The following CFAP54 variants were observed in gnomAD, a reference collection of about 807,000 sequenced individuals.
The protein encoded by CFAP54 is cilia- and flagella-associated protein 54.
A neutral mutation model predicts 370.4 loss-of-function variants in CFAP54; 290 were observed. The observed-to-expected ratio is 0.78, with a 90% CI of 0.71 to 0.86. The LOEUF (loss-of-function observed/expected upper bound fraction) is 0.86, where lower values mean the gene tolerates loss of function less well. Among genes scored for constraint, CFAP54 ranks in the 40% least tolerant of loss-of-function variants. The pLI is 0.00. For missense variants in CFAP54, 3,399 were observed against 3,528.7 expected, an observed-to-expected ratio of 0.96 and a Z score of 0.93; for synonymous variants, 1,206 against 1,236.5, an observed-to-expected ratio of 0.98 and a Z score of 0.52.
intron 40 of CFAP54, chr12:96,682,220 T>G: frequency 1.0e-6 from 1 of 985,730 alleles, no homozygotes; most frequent in Non-Finnish European, 1.2e-6. Context: ...GAGATGCATA[T>G]GTCAATACCC....
At chr12:96,561,677 C>T (rs1444648846) in intron 17 of CFAP54, among the ~76,000 whole-genome samples, 2 of 148,072 alleles carry the variant, frequency 1.4e-5, no homozygotes, top group African/African-American at 2.5e-5. Context: ...ATGTCAATGG[C>T]TCCTTTTAGT....
At chr12:96,772,626 C>G (rs1417791829) in intron 60 of CFAP54, among the ~76,000 whole-genome samples, 1 of 135,262 alleles carries the variant, frequency 7.4e-6, no homozygotes, top group African/African-American at 2.9e-5. Flanking sequence ...GAGTTTTGCT[C>G]TTGTTGCCCA....
intron 39 of CFAP54, among the ~76,000 whole-genome samples, 196 bp from the exon 40 acceptor site, chr12:96,679,404 T>C (rs1020767231): frequency 1.3e-5 from 2 of 151,570 alleles, no homozygotes; most frequent in Non-Finnish European, 2.9e-5. Flanking sequence ...TTTTTTTTTT[T>C]AAAAGGACCT....
At chr12:96,524,762 T>A (rs1211558056) in intron 8 of CFAP54, among the ~76,000 whole-genome samples, 1 of 152,200 alleles carries the variant, frequency 6.6e-6, no homozygotes, top group East Asian at 1.9e-4. Flanking sequence ...ATGGAGACTG[T>A]AGTATTTAAA....
chr12:96,789,723 T>A (rs1261005428), intron 62 of CFAP54, among the ~76,000 whole-genome samples: 1 of 152,182 alleles, frequency 6.6e-6, no homozygotes, highest in Non-Finnish European at 1.5e-5. Flanking sequence ...GCAACAGTGT[T>A]ATCAAAGAGT....
At chr12:96,524,104 T>C (rs940383874) in intron 8 of CFAP54, among the ~76,000 whole-genome samples, 59 of 152,134 alleles carry the variant, frequency 3.9e-4, no homozygotes, top group African/African-American at 1.4e-3. Context: ...ATTGAACATA[T>C]TTTCTAAAAC....
chr12:96,707,605 A>G (rs1457880726), intron 47 of CFAP54, among the ~76,000 whole-genome samples: 1 of 152,186 alleles, frequency 6.6e-6, no homozygotes, highest in African/African-American at 2.4e-5. Context: ...GAGATGAAGC[A>G]TGGCTGTGTG....
chr12:96,802,234 A>T (rs550832668), intron 63 of CFAP54, among the ~76,000 whole-genome samples: 6 of 152,116 alleles, frequency 3.9e-5, no homozygotes, highest in Admixed American at 3.3e-4. Flanking sequence ...ACTCAAGCAG[A>T]CTGCATACCT....
chr12:96,703,962 G>A (rs1957518683), intron 46 of CFAP54, among the ~76,000 whole-genome samples: 1 of 152,182 alleles, frequency 6.6e-6, no homozygotes, highest in African/African-American at 2.4e-5. Flanking sequence ...ATGGGATAAT[G>A]ATGGGGAAGT....
intron 50 of CFAP54, among the ~76,000 whole-genome samples, chr12:96,738,548 C>T (rs574548559): frequency 6.6e-6 from 1 of 151,476 alleles, no homozygotes; most frequent in African/African-American, 2.4e-5. Context: ...TTGCATGGCC[C>T]TCTTCTCCCT....
intron 40 of CFAP54, among the ~76,000 whole-genome samples, chr12:96,684,216 A>G (rs1957300753): frequency 6.6e-6 from 1 of 152,212 alleles, no homozygotes; most frequent in South Asian, 2.1e-4. Context: ...ATAGGATAAC[A>G]TCCACATTTC....
chr12:96,733,936 G>T (rs1171241655), intron 50 of CFAP54, among the ~76,000 whole-genome samples: 3 of 152,170 alleles, frequency 2.0e-5, no homozygotes, highest in Non-Finnish European at 2.9e-5. Flanking sequence ...GCCATGCTGA[G>T]TTAGCCTTGG....
At chr12:96,664,783 A>ATATCTATATCTATATC (rs1565934522) in intron 39 of CFAP54, among the ~76,000 whole-genome samples, 9 of 14,818 alleles carry the variant, frequency 6.1e-4, no homozygotes, top group South Asian at 1.9e-3. Context: ...ATATCTATAT[A>ATATCTATATCTATATC]TATATATATA....
At chr12:96,629,426 C>G (rs1956580876) in intron 30 of CFAP54, among the ~76,000 whole-genome samples, 1 of 151,862 alleles carries the variant, frequency 6.6e-6, no homozygotes, top group Non-Finnish European at 1.5e-5. Context: ...GCCTCAGCCT[C>G]CCAAGTAGCT....
intron 60 of CFAP54, among the ~76,000 whole-genome samples, chr12:96,782,225 G>T (rs1477534865): frequency 2.6e-5 from 4 of 152,054 alleles, no homozygotes; most frequent in African/African-American, 9.7e-5. Flanking sequence ...TGTATTTATA[G>T]TAAATATTCA....
At position 96,630,577 on chromosome 12, in the gene CFAP54, A is replaced by C. The variant is rs4762159; in HGVS notation, c.4242A>C (p.Arg1414Ser). ...GRSAEMQQRI[R>S]SKKKETLRDF... ...GTGCAGAAATGCAACAAAGAATAAG[A>C]AGTAAAAAAAAGGAAACTCTAAGAG... Residue 1414 changes from arginine (R) to serine (S), a missense_variant, in exon 32 of 68, where the codon AGA becomes AGC. Physicochemically the swap from Arg to Ser is moderately radical, Grantham distance 110. Transcript: ENST00000524981. 9,792 of 1,487,432 alleles carry C rather than the reference A, an allele frequency of 6.6e-3. 431 individuals carry two copies. In the East Asian group the frequency reaches 0.11, roughly 17 times the overall value. The allele number at this position is 1,487,432 out of a possible 1,614,324, so 92.1% of individuals were successfully genotyped here. A position where few individuals can be genotyped will look rare whatever the true frequency, so the allele number is the denominator to read the frequency against.
chr12:96,697,241 T>G (rs1957447020), intron 45 of CFAP54, among the ~76,000 whole-genome samples: 1 of 152,236 alleles, frequency 6.6e-6, no homozygotes, highest in Non-Finnish European at 1.5e-5. Flanking sequence ...CAGATTGGTA[T>G]GATAAACTGA....
intron 24 of CFAP54, among the ~76,000 whole-genome samples, chr12:96,593,456 C>A (rs1956146420): frequency 6.6e-6 from 1 of 152,046 alleles, no homozygotes; most frequent in African/African-American, 2.4e-5. Flanking sequence ...AAAAATGATT[C>A]TTTGCCCCAG....
chr12:96,746,888 T>G (rs1425623540), intron 55 of CFAP54, among the ~76,000 whole-genome samples: 1 of 152,200 alleles, frequency 6.6e-6, no homozygotes, highest in Non-Finnish European at 1.5e-5. Flanking sequence ...TACATTTCCT[T>G]AAACTCTGTC....
Sources: allele counts gnomAD v4.1 joint callset (sites outside exome capture counted in the v4.1 genomes callset), GRCh38; gene constraint gnomAD v4.1.1; transcripts MANE v1.5; gene names NCBI Gene and HGNC (gene_info 2026-07-23, HGNC 2026-07-21).